The following HTR2A variants were observed in gnomAD, a reference collection of about 807,000 sequenced individuals.
HTR2A encodes 5-hydroxytryptamine receptor 2A, also known as 5-HT2 receptor.
Under a neutral mutation model 31.0 loss-of-function variants are expected in HTR2A, and 14 were observed. That is an observed-to-expected ratio of 0.45 (90% CI 0.30 to 0.71). The LOEUF is 0.71. HTR2A is among the 30% of genes least tolerant of loss of function. The probability of loss-of-function intolerance (pLI) is 0.09; values close to 1 mark genes in which losing one functional copy is unlikely to be tolerated. For missense variants in HTR2A, 442 were observed against 573.3 expected, an observed-to-expected ratio of 0.77 and a Z score of 2.34; for synonymous variants, 209 against 225.2, an observed-to-expected ratio of 0.93 and a Z score of 0.64.
At chr13:46,880,938 G>T (rs973112940) in intron 3 of HTR2A, among the ~76,000 whole-genome samples, 1 of 152,150 alleles carries the variant, frequency 6.6e-6, no homozygotes, top group Admixed American at 6.5e-5. Flanking sequence ...GATCATCTAT[G>T]CTGTGCTAAG....
At chr13:46,883,772 G>A (rs1262549103) in intron 3 of HTR2A, among the ~76,000 whole-genome samples, 1 of 152,124 alleles carries the variant, frequency 6.6e-6, no homozygotes, top group East Asian at 1.9e-4. Context: ...GAGAATACTA[G>A]GATCACTCTC....
chr13:46,858,039 G>C (rs576318169), intron 3 of HTR2A, among the ~76,000 whole-genome samples: 1 of 152,246 alleles, frequency 6.6e-6, no homozygotes, highest in East Asian at 1.9e-4. Flanking sequence ...GGACAAAAGT[G>C]GGGGACTCCT....
chr13:46,894,265 G>C (rs1321620097), intron 2 of HTR2A, among the ~76,000 whole-genome samples: 1 of 152,142 alleles, frequency 6.6e-6, no homozygotes, highest in African/African-American at 2.4e-5. Flanking sequence ...CTCCCCAAGC[G>C]GGTGACGCCG....
At chr13:46,852,587 A>G (rs9316232) in intron 3 of HTR2A, among the ~76,000 whole-genome samples, 90,701 of 152,102 alleles carry the variant, frequency 0.6, 27,390 homozygotes, top group Non-Finnish European at 0.66. Context: ...TATGATTAAG[A>G]TAATTGTTCT....
rs192845413 is a variant in HTR2A, at chr13:46,875,841, C to G, written c.613+16549G>C. Among the ~76,000 whole-genome samples, 265 of 152,308 alleles carry G rather than the reference C, an allele frequency of 1.7e-3. 1 individual carries two copies. Among genetic ancestry groups the G allele is most frequent in the Middle Eastern group, 6.8e-3 (2 of 294 alleles). Reference sequence around the variant, plus strand: ...TAATCCAAAACAAATACCCACAGCACAACTAGAGAAAGCAGGTGCTAATTT... The same window carrying G: ...TAATCCAAAACAAATACCCACAGCAGAACTAGAGAAAGCAGGTGCTAATTT... On this transcript the variant is annotated intron_variant, in intron 3 of 3. Coordinates refer to ENST00000542664, the MANE Select transcript of HTR2A (RefSeq NM_000621.5).
chr13:46,880,907 C>A (rs1346088595), intron 3 of HTR2A, among the ~76,000 whole-genome samples: 1 of 152,100 alleles, frequency 6.6e-6, no homozygotes, highest in East Asian at 1.9e-4. Context: ...TAATTATTCT[C>A]ACCAGTTTCC....
chr13:46,846,336 G>T (rs1950642777), intron 3 of HTR2A, among the ~76,000 whole-genome samples: 1 of 152,120 alleles, frequency 6.6e-6, no homozygotes, highest in South Asian at 2.1e-4. Flanking sequence ...TTATAGAGAA[G>T]AATGTTCTAC....
chr13:46,880,417 C>G (rs1441973942), intron 3 of HTR2A, among the ~76,000 whole-genome samples: 2 of 152,198 alleles, frequency 1.3e-5, no homozygotes, highest in Non-Finnish European at 2.9e-5. Context: ...TGTTATTCCT[C>G]TGCTTTAAAT....
At position 46,848,907 on chromosome 13, in the gene HTR2A, T is replaced by C. The variant is rs182272107; in HGVS notation, c.614-13268A>G. Among the ~76,000 whole-genome samples, 343 of 152,298 alleles carry C rather than the reference T, an allele frequency of 2.3e-3. 3 individuals are homozygous for C. The highest frequency in any genetic ancestry group is 0.016 in the South Asian group (79 of 4,828). ...AATTACTGCTATCTGATATTACTTA[T>C]ACGTGGGAAGCAGGAATAGAAACAG... On this transcript the variant is annotated intron_variant, in intron 3 of 3. Transcript: ENST00000542664.
intron 3 of HTR2A, among the ~76,000 whole-genome samples, chr13:46,880,708 G>A (rs11617142): frequency 0.04 from 6,075 of 151,888 alleles, 165 homozygotes; most frequent in South Asian, 0.093. Flanking sequence ...GTGTGGTGGC[G>A]GGCACCTGTA....
chr13:46,871,822 C>G (rs1395606191), intron 3 of HTR2A, among the ~76,000 whole-genome samples: 1 of 152,122 alleles, frequency 6.6e-6, no homozygotes, highest in Non-Finnish European at 1.5e-5. Context: ...TGTTCAGAGG[C>G]TTGCTGACAA....
At chr13:46,880,743 G>A (rs1231394852) in intron 3 of HTR2A, among the ~76,000 whole-genome samples, 1 of 152,100 alleles carries the variant, frequency 6.6e-6, no homozygotes, top group Non-Finnish European at 1.5e-5. Context: ...GGAGGCTGAG[G>A]CAGGAGAATC....
intron 2 of HTR2A, among the ~76,000 whole-genome samples, chr13:46,894,372 G>A (rs552464899): frequency 4.6e-5 from 7 of 152,362 alleles, no homozygotes; most frequent in Admixed American, 1.3e-4. Context: ...GGTTTGGGAA[G>A]CGAGAATCTT....
chr13:46,867,026 C>T (rs149943722), intron 3 of HTR2A, among the ~76,000 whole-genome samples: 1 of 152,052 alleles, frequency 6.6e-6, no homozygotes, highest in African/African-American at 2.4e-5. Flanking sequence ...AACTCTGTCT[C>T]AAAAAGTGAT....
At chr13:46,841,643 C>A (rs1219546994) in intron 3 of HTR2A, among the ~76,000 whole-genome samples, 1 of 152,084 alleles carries the variant, frequency 6.6e-6, no homozygotes, top group East Asian at 1.9e-4. Context: ...AAGCTGGTGG[C>A]CTAATTGCCC....
chr13:46,864,179 A>G (rs1950802783), intron 3 of HTR2A, among the ~76,000 whole-genome samples: 1 of 152,128 alleles, frequency 6.6e-6, no homozygotes, highest in Non-Finnish European at 1.5e-5. Context: ...GTTCTCACAT[A>G]TAAGTGGGAG....
At chr13:46,859,141 T>C (rs982266436) in intron 3 of HTR2A, among the ~76,000 whole-genome samples, 4 of 152,184 alleles carry the variant, frequency 2.6e-5, no homozygotes, top group Admixed American at 2.0e-4. Context: ...TAACTTGGTA[T>C]TTGCAGGGAT....
chr13:46,889,868 T>A (rs1484144492), intron 3 of HTR2A, among the ~76,000 whole-genome samples: 6 of 152,252 alleles, frequency 3.9e-5, no homozygotes, highest in African/African-American at 1.4e-4. Context: ...TTTTCCTTTT[T>A]ACATTTTCCG....
At chr13:46,897,883 G>A (rs1951115599), upstream of HTR2A, among the ~76,000 whole-genome samples, 1 of 152,062 alleles carries the variant, frequency 6.6e-6, no homozygotes, top group South Asian at 2.1e-4. Context: ...TGGTAGCCTG[G>A]GAGACCTTGA....
Sources: allele counts gnomAD v4.1 joint callset (sites outside exome capture counted in the v4.1 genomes callset), GRCh38; gene constraint gnomAD v4.1.1; transcripts MANE v1.5; gene names NCBI Gene and HGNC (gene_info 2026-07-23, HGNC 2026-07-21).